CSMD3: variants seen among roughly 807,000 people sequenced by gnomAD.
The protein encoded by CSMD3 is CUB and sushi domain-containing protein 3.
Under a neutral mutation model 435.2 loss-of-function variants are expected in CSMD3, and 177 were observed. The observed-to-expected ratio is 0.41, with a 90% confidence interval of 0.36 to 0.46. The LOEUF is 0.46. Among genes scored for constraint, CSMD3 ranks in the 20% least tolerant of loss-of-function variants. The pLI is 0.34. For missense variants in CSMD3, 4,265 were observed against 4,504.6 expected, an observed-to-expected ratio of 0.95 and a Z score of 1.52; for synonymous variants, 1,656 against 1,520.5, an observed-to-expected ratio of 1.09 and a Z score of -2.07.
chr8:112,352,276 A>T, intron 39 of CSMD3, 140 bp downstream of exon 39: 1 of 1,269,174 alleles, frequency 7.9e-7, no homozygotes, highest in Non-Finnish European at 1.1e-6. Context: ...TGCATATTTT[A>T]TTATCAAATT....
At chr8:112,741,339 G>A (rs377366517) in intron 13 of CSMD3, among the ~76,000 whole-genome samples, 1 of 151,824 alleles carries the variant, frequency 6.6e-6, no homozygotes, top group Non-Finnish European at 1.5e-5. Flanking sequence ...GTGGCCAATG[G>A]GTATATGAAA....
chr8:112,283,508 T>C (rs1376871314), intron 58 of CSMD3, among the ~76,000 whole-genome samples: 1 of 151,692 alleles, frequency 6.6e-6, no homozygotes, highest in Non-Finnish European at 1.5e-5. Context: ...TGTATTAATA[T>C]GAATATAATT....
At chr8:112,416,355 G>C (rs928704539) in intron 32 of CSMD3, among the ~76,000 whole-genome samples, 1 of 152,148 alleles carries the variant, frequency 6.6e-6, no homozygotes, top group African/African-American at 2.4e-5. Flanking sequence ...TACCATGATT[G>C]TAAGTTTCCT....
Position 113,019,132 on chromosome 8 carries a change from C to T in CSMD3, c.965G>A (p.Trp322Ter), listed in dbSNP as rs2131170861. ...GTCTGTAACAAAATGCAGTCTGAGC[C>T]AGTTTTTGTTGCTGATAATTGGTGG... ...IPPPIISNKN[W>*]LRLHFVTDSN... is the part of the protein sequence containing the mutation. The change falls in exon 6 of 71, where the codon TGG (tryptophan) becomes TAG (stop). Residue 322 changes from tryptophan to a stop codon, truncating the protein, a stop_gained. Coordinates refer to ENST00000297405, the MANE Select transcript of CSMD3 (RefSeq NM_198123.2). LOFTEE classifies it high-confidence loss of function. 6.2e-7 allele frequency: 1 copy of T among 1,613,756 alleles called. No individual in the cohort carries two copies. The highest frequency in any genetic ancestry group is 2.2e-5 in the East Asian group (1 of 44,832).
At chr8:112,703,845 G>A (rs2076441512) in intron 13 of CSMD3, among the ~76,000 whole-genome samples, 1 of 152,042 alleles carries the variant, frequency 6.6e-6, no homozygotes, top group Admixed American at 6.6e-5. Context: ...ATTTAGAGAG[G>A]TTTTGAGGAG....
chr8:113,051,461 T>A (rs2088089983), intron 5 of CSMD3, among the ~76,000 whole-genome samples: 1 of 152,186 alleles, frequency 6.6e-6, no homozygotes, highest in African/African-American at 2.4e-5. Context: ...TTATGTTTAA[T>A]AAATTGTTTT....
intron 17 of CSMD3, among the ~76,000 whole-genome samples, chr8:112,657,887 G>A (rs1005060206): frequency 1.4e-4 from 22 of 152,246 alleles, no homozygotes; most frequent in East Asian, 1.2e-3. Flanking sequence ...AATCACAGTA[G>A]TGTTTACTTT....
intron 32 of CSMD3, among the ~76,000 whole-genome samples, chr8:112,423,800 A>G (rs973299401): frequency 7.2e-5 from 11 of 152,190 alleles, no homozygotes; most frequent in African/African-American, 2.4e-4. Flanking sequence ...TTACTAGCTG[A>G]CAAGCAATGA....
At chr8:113,422,857 C>T (rs141103659) in intron 1 of CSMD3, among the ~76,000 whole-genome samples, 5 of 152,108 alleles carry the variant, frequency 3.3e-5, no homozygotes, top group African/African-American at 1.2e-4. Context: ...GTATCAGCTA[C>T]AACATGATAC....
At chr8:113,269,550 C>A (rs1010063327) in intron 3 of CSMD3, among the ~76,000 whole-genome samples, 3 of 152,160 alleles carry the variant, frequency 2.0e-5, no homozygotes, top group Non-Finnish European at 4.4e-5. Flanking sequence ...CACTACCTGA[C>A]TTCAAACTAT....
At chr8:113,083,744 G>A (rs2089652855) in intron 5 of CSMD3, among the ~76,000 whole-genome samples, 1 of 152,046 alleles carries the variant, frequency 6.6e-6, no homozygotes, top group African/African-American at 2.4e-5. Flanking sequence ...AAGGTAGAGG[G>A]AGGATCACTT....
chr8:113,072,539 T>C (rs2089171172), intron 5 of CSMD3, among the ~76,000 whole-genome samples: 1 of 151,874 alleles, frequency 6.6e-6, no homozygotes, highest in Admixed American at 6.6e-5. Context: ...TTTGATCTCA[T>C]CTACTACTAC....
intron 4 of CSMD3, among the ~76,000 whole-genome samples, chr8:113,149,079 T>C (rs976853231): frequency 2.0e-5 from 3 of 151,786 alleles, no homozygotes; most frequent in African/African-American, 7.2e-5. Context: ...ATCAAAATCT[T>C]CTGAGGAGCA....
At chr8:112,790,165 A>C (rs764752235) in intron 13 of CSMD3, among the ~76,000 whole-genome samples, 6 of 151,986 alleles carry the variant, frequency 3.9e-5, no homozygotes, top group Non-Finnish European at 8.8e-5. Flanking sequence ...TGTGCTAACT[A>C]GACAAATAAA....
chr8:112,255,510 T>C lies in CSMD3; in HGVS notation c.9863-83A>G, dbSNP rs907578766. On this transcript the variant is annotated intron_variant, in intron 61 of 70. Coordinates refer to ENST00000297405, the MANE Select transcript of CSMD3 (RefSeq NM_198123.2). ...GTTTGGAAAAATGGTGACAATCAAT[T>C]TGAATATTGTACTAAAGAGATATAT... 36 of 1,182,562 alleles carry C rather than the reference T, an allele frequency of 3.0e-5. No individual in the cohort carries two copies. The Admixed American group carries it at 6.4e-4, about 21-fold the overall frequency. The allele number at this position is 1,182,562 out of a possible 1,614,324, so 73.3% of individuals were successfully genotyped here.
At chr8:112,961,311 A>G (rs1401426159) in intron 7 of CSMD3, among the ~76,000 whole-genome samples, 1 of 151,854 alleles carries the variant, frequency 6.6e-6, no homozygotes, top group Non-Finnish European at 1.5e-5. Context: ...CTTAAATTTT[A>G]CTTTTCTATT....
intron 11 of CSMD3, among the ~76,000 whole-genome samples, chr8:112,841,609 C>CA (rs2080180386): frequency 6.6e-6 from 1 of 151,792 alleles, no homozygotes; most frequent in African/African-American, 2.4e-5. Context: ...CCAGGTTCTA[C>CA]ACTGTAAAAC....
At chr8:112,945,242 T>C (rs181097518) in intron 9 of CSMD3, among the ~76,000 whole-genome samples, 150 of 151,866 alleles carry the variant, frequency 9.9e-4, no homozygotes, top group Admixed American at 2.5e-3. Context: ...AAAAGATATC[T>C]TGAATCTGTC....
At chr8:113,231,229 GT>G (rs1413232291) in intron 3 of CSMD3, among the ~76,000 whole-genome samples, 1 of 151,118 alleles carries the variant, frequency 6.6e-6, no homozygotes, top group Non-Finnish European at 1.5e-5. Flanking sequence ...TTGGTTGTCA[GT>G]TTGTGTTTTT....
Sources: gnomAD v4.1 joint callset for allele counts (sites outside exome capture counted in the v4.1 genomes callset) on GRCh38, gnomAD v4.1.1 for gene constraint, MANE v1.5 for transcripts, NCBI Gene and HGNC (gene_info 2026-07-23, HGNC 2026-07-21) for gene names.